Variants in ADGRL2 observed in about 807,000 individuals in gnomAD.
The protein encoded by ADGRL2 is calcium-independent alpha-latrotoxin receptor 2.
In ADGRL2, 44 loss-of-function variants were observed where a neutral mutation model predicts 157.4. The observed-to-expected ratio is 0.28, with a 90% CI of 0.22 to 0.36. The LOEUF (loss-of-function observed/expected upper bound fraction) is 0.36. Ranked by LOEUF, ADGRL2 falls within the 10% of genes least tolerant of loss-of-function variation. ADGRL2 has a pLI of 1.00. For missense variants in ADGRL2, 1,510 were observed against 1,768.9 expected, an observed-to-expected ratio of 0.85 and a Z score of 2.63; for synonymous variants, 585 against 624.7, an observed-to-expected ratio of 0.94 and a Z score of 0.95.
intron 2 of ADGRL2, among the ~76,000 whole-genome samples, chr1:81,785,037 A>G (rs1268532325): frequency 3.9e-5 from 6 of 152,076 alleles, no homozygotes; most frequent in Admixed American, 3.3e-4. Context: ...TAGTGGGGGA[A>G]AAAAAAGAGA....
chr1:81,637,476 T>C (rs1223241982), intron 3 of ADGRL2, among the ~76,000 whole-genome samples: 1 of 152,048 alleles, frequency 6.6e-6, no homozygotes, highest in Non-Finnish European at 1.5e-5. Context: ...ACAACTGAAA[T>C]GTTCAGAAGG....
chr1:81,400,988 G>T (rs941739260), intron 1 of ADGRL2, among the ~76,000 whole-genome samples: 1 of 152,120 alleles, frequency 6.6e-6, no homozygotes, highest in Non-Finnish European at 1.5e-5. Flanking sequence ...GGAACAATGT[G>T]CCTTCTTCAA....
intron 2 of ADGRL2, among the ~76,000 whole-genome samples, chr1:81,764,175 G>C (rs1217282563): frequency 2.3e-5 from 3 of 129,890 alleles, no homozygotes; most frequent in African/African-American, 5.8e-5. Context: ...TTGGGTGACA[G>C]AGCGAGACTC....
chr1:81,912,374 T>C (rs528152072), intron 3 of ADGRL2, among the ~76,000 whole-genome samples: 1 of 152,170 alleles, frequency 6.6e-6, no homozygotes. Context: ...ACCCAGCCTA[T>C]GTTTCTTATT....
At chr1:81,885,403 G>GT (rs2151304758) in intron 2 of ADGRL2, among the ~76,000 whole-genome samples, 1 of 152,254 alleles carries the variant, frequency 6.6e-6, no homozygotes, top group South Asian at 2.1e-4. Flanking sequence ...TAATTCATTA[G>GT]TAAAAACTTC....
chr1:81,784,068 C>G (rs2086927344), intron 2 of ADGRL2, among the ~76,000 whole-genome samples: 1 of 152,078 alleles, frequency 6.6e-6, no homozygotes, highest in South Asian at 2.1e-4. Context: ...GAGATCTGAA[C>G]TTGGGTGGTC....
At chr1:81,879,655 T>C (rs1202654088) in intron 2 of ADGRL2, among the ~76,000 whole-genome samples, 1 of 152,122 alleles carries the variant, frequency 6.6e-6, no homozygotes, top group Non-Finnish European at 1.5e-5. Context: ...AAATACAAAA[T>C]AACTGAATTC....
chr1:81,473,636 G>C (rs74094013), intron 2 of ADGRL2, among the ~76,000 whole-genome samples: 10,694 of 152,154 alleles, frequency 0.07, 712 homozygotes, highest in East Asian at 0.36. Flanking sequence ...ATAGCAAAAT[G>C]GTGCTTTAAC....
intron 3 of ADGRL2, among the ~76,000 whole-genome samples, chr1:81,647,222 A>G (rs1178014036): frequency 6.6e-6 from 1 of 152,176 alleles, no homozygotes; most frequent in Admixed American, 6.6e-5. Context: ...GTACTTAATC[A>G]TTGTATCTCA....
rs1017204908 is a variant in ADGRL2 at position 81,777,967 on chromosome 1, A to C, written c.-101+16115A>C. Among the ~76,000 whole-genome samples the C allele has an allele frequency of 3.9e-5, 6 of 152,138 alleles. No individual in the cohort carries two copies. The East Asian group carries it at 1.2e-3, about 29-fold the overall frequency. The stretch of plus-strand genomic sequence containing the variant: ...TTGAAAAGCCTTCCTCCAGACTGAC[A>C]CAGATTCATTAACATTGCCATTGGG... On this transcript the variant is annotated intron_variant, in intron 2 of 20. Coordinates refer to the ADGRL2 transcript ENST00000359929.
intron 18 of ADGRL2, chr1:81,980,835 C>A (rs1376597552): frequency 1.4e-6 from 1 of 714,542 alleles, no homozygotes; most frequent in Middle Eastern, 2.4e-4. Flanking sequence ...TACGGACTTA[C>A]CTGGGTAAGG....
At chr1:81,600,149 G>A (rs192825196) in intron 3 of ADGRL2, among the ~76,000 whole-genome samples, 220 of 152,304 alleles carry the variant, frequency 1.4e-3, no homozygotes, top group Admixed American at 2.6e-3. Flanking sequence ...CTCTTCCAGA[G>A]CATAGATCAG....
intron 1 of ADGRL2, among the ~76,000 whole-genome samples, chr1:81,377,118 C>T (rs2076264171): frequency 6.6e-6 from 1 of 152,060 alleles, no homozygotes; most frequent in Non-Finnish European, 1.5e-5. Flanking sequence ...ATCGCTTAGG[C>T]CCAGGAGTTT....
chr1:81,969,152 T>C (rs1232681180), intron 14 of ADGRL2, 26 bp from the exon 15 acceptor site: 18 of 1,522,910 alleles, frequency 1.2e-5, no homozygotes, highest in African/African-American at 1.4e-5. Context: ...GGAATACTAA[T>C]GTTCCTCATA....
intron 3 of ADGRL2, among the ~76,000 whole-genome samples, chr1:81,925,336 C>G (rs2095079265): frequency 6.6e-6 from 1 of 151,730 alleles, no homozygotes; most frequent in Non-Finnish European, 1.5e-5. Flanking sequence ...CACAAAATAT[C>G]CTATGAGTTT....
chr1:81,923,357 A>G (rs2095032889), intron 3 of ADGRL2, among the ~76,000 whole-genome samples: 1 of 152,182 alleles, frequency 6.6e-6, no homozygotes. Context: ...TTTGTCATAT[A>G]TTTATCAGTC....
chr1:81,368,139 C>T (rs896462778), intron 1 of ADGRL2, among the ~76,000 whole-genome samples: 4 of 152,146 alleles, frequency 2.6e-5, no homozygotes, highest in Non-Finnish European at 4.4e-5. Flanking sequence ...TTTGCATTCC[C>T]ACCAATGCAA....
chr1:81,523,375 C>T (rs1327138472), intron 2 of ADGRL2, among the ~76,000 whole-genome samples: 1 of 151,884 alleles, frequency 6.6e-6, no homozygotes, highest in African/African-American at 2.4e-5. Context: ...TTAAAACATC[C>T]TATAAAGCTT....
chr1:81,943,892 G>A lies in ADGRL2; in HGVS notation c.1210+123G>A. The A allele has an allele frequency of 1.4e-6, 1 of 714,868 alleles. No individual in the cohort carries two copies. The highest frequency in any genetic ancestry group is 2.3e-6 in the Non-Finnish European group (1 of 434,408). The allele number at this position is 714,868 out of a possible 1,614,324, so 44.3% of individuals were successfully genotyped here. On this transcript the variant is annotated intron_variant, in intron 6 of 23. Transcript: ENST00000686636. The surrounding 1 kb of genome is among the most constrained non-coding windows in gnomAD (Gnocchi z 5.6). ...TCATAGTTAAAGGACAAAGGACAAT[G>A]TTGTGGTACATTTTAGCCTTATTAT...
Sources: gnomAD v4.1 joint callset for allele counts (sites outside exome capture counted in the v4.1 genomes callset) on GRCh38, gnomAD v4.1.1 for gene constraint, Gnocchi (gnomAD v3.1) non-coding constraint, MANE v1.5 for transcripts, NCBI Gene and HGNC (gene_info 2026-07-23, HGNC 2026-07-21) for gene names.